ANKRD11: variants seen among roughly 807,000 people sequenced by gnomAD.
ANKRD11 encodes ankyrin repeat domain 11.
ANKRD11 carries 17 observed loss-of-function variants against 195.7 expected under a neutral mutation model. The observed-to-expected ratio is 0.09, with a 90% CI of 0.06 to 0.13. The LOEUF (loss-of-function observed/expected upper bound fraction) is 0.13, where lower values mean the gene tolerates loss of function less well. ANKRD11 is among the 10% of genes least tolerant of loss of function. The pLI, the probability that ANKRD11 is intolerant of heterozygous loss-of-function variation, is 1.00. For missense variants in ANKRD11, 3,735 were observed against 3,566.1 expected, an observed-to-expected ratio of 1.05 and a Z score of -1.21; for synonymous variants, 1,953 against 1,528.1, an observed-to-expected ratio of 1.28 and a Z score of -6.49.
intron 2 of ANKRD11, among the ~76,000 whole-genome samples, chr16:89,335,856 A>T (rs1018695108): frequency 1.3e-5 from 2 of 152,142 alleles, no homozygotes; most frequent in African/African-American, 4.8e-5. Context: ...TGGTGCTTCT[A>T]AAGGGCTAGG....
intron 4 of ANKRD11, 150 bp downstream of exon 4, chr16:89,305,056 C>A: frequency 8.0e-7 from 1 of 1,251,294 alleles, no homozygotes; most frequent in Non-Finnish European, 1.1e-6. Context: ...GCCTGTGCTC[C>A]GCCCCTGCTG....
chr16:89,283,116 G>C lies in ANKRD11; in HGVS notation c.3426C>G (p.Asp1142Glu). Reference sequence around the variant, plus strand: ...CCTGGAGGCCGTCCGTCCTCGGCAAGTCGCTGGCCTCTCCCATCTTGAACC... The same window carrying C: ...CCTGGAGGCCGTCCGTCCTCGGCAACTCGCTGGCCTCTCCCATCTTGAACC... ...GSGFKMGEAS[D>E]LPRTDGLQEK... Residue 1142 changes from aspartate to glutamate, a missense_variant, in exon 9 of 13, where the codon GAC becomes GAG. Transcript: ENST00000301030. The surrounding 1 kb of genome is among the most constrained non-coding windows in gnomAD (Gnocchi z 4.3). 6.2e-7 allele frequency: 1 copy of C among 1,613,952 alleles called. No homozygotes were observed. The highest frequency in any genetic ancestry group is 1.3e-5 in the African/African-American group (1 of 74,998).
intron 3 of ANKRD11, among the ~76,000 whole-genome samples, chr16:89,306,207 G>A (rs1597558563): frequency 2.4e-5 from 2 of 82,998 alleles, no homozygotes; most frequent in Admixed American, 1.3e-4. Flanking sequence ...CCGCAGACAC[G>A]CGCCACCTAC....
At chr16:89,465,670 A>C (rs994440080) in intron 1 of ANKRD11, among the ~76,000 whole-genome samples, 6 of 152,192 alleles carry the variant, frequency 3.9e-5, no homozygotes, top group African/African-American at 1.4e-4. Context: ...GAGCTAAAGA[A>C]GACTCCTCTG....
At chr16:89,375,697 C>T (rs564115676) in intron 2 of ANKRD11, among the ~76,000 whole-genome samples, 5 of 151,456 alleles carry the variant, frequency 3.3e-5, no homozygotes, top group East Asian at 1.9e-4. Flanking sequence ...TCAAGTGATC[C>T]GCCCAGCCTC....
At chr16:89,474,515 T>G (rs1165881990) in intron 1 of ANKRD11, among the ~76,000 whole-genome samples, 1 of 151,968 alleles carries the variant, frequency 6.6e-6, no homozygotes, top group African/African-American at 2.4e-5. Context: ...ATCATCCCAT[T>G]TGAAAGAAAA....
At chr16:89,486,809 C>T (rs1342675683) in intron 1 of ANKRD11, among the ~76,000 whole-genome samples, 1 of 151,972 alleles carries the variant, frequency 6.6e-6, no homozygotes, top group Non-Finnish European at 1.5e-5. Context: ...AGTTTGAAAC[C>T]AGCCTGGCCA....
intron 1 of ANKRD11, among the ~76,000 whole-genome samples, chr16:89,478,727 C>T (rs1373731692): frequency 6.6e-6 from 1 of 152,206 alleles, no homozygotes; most frequent in South Asian, 2.1e-4. Flanking sequence ...AGTTTCTGCC[C>T]GTGACATTTC....
chr16:89,355,938 G>A (rs868083274), intron 2 of ANKRD11, among the ~76,000 whole-genome samples: 3 of 152,306 alleles, frequency 2.0e-5, no homozygotes, highest in African/African-American at 4.8e-5. Flanking sequence ...GGAACGCTAA[G>A]TGACTCGCCC....
At chr16:89,319,086 T>A (rs1485235307) in intron 2 of ANKRD11, among the ~76,000 whole-genome samples, 5 of 152,212 alleles carry the variant, frequency 3.3e-5, no homozygotes, top group Admixed American at 2.0e-4. Flanking sequence ...ATTAACATTT[T>A]AAAAAATCCA....
At chr16:89,302,380 G>C (rs1396112123) in intron 4 of ANKRD11, among the ~76,000 whole-genome samples, 1 of 152,172 alleles carries the variant, frequency 6.6e-6, no homozygotes, top group Non-Finnish European at 1.5e-5. Context: ...AGCCTCCCGA[G>C]TAGCTGGGAT....
At chr16:89,446,180 T>TC (rs1328912883) in intron 1 of ANKRD11, among the ~76,000 whole-genome samples, 1 of 151,968 alleles carries the variant, frequency 6.6e-6, no homozygotes, top group African/African-American at 2.4e-5. Flanking sequence ...CCTTGATCAG[T>TC]CCCTAATTGG....
chr16:89,432,981 TCTCTCTCTC>T lies in ANKRD11; in HGVS notation c.-144-14622_-144-14614del, dbSNP rs1438777340. Reference sequence around the variant, plus strand: ...CTCTCTCTCTCTCTCTCTCTCTCTCTCTCTCTCTCCTCTCTCTCACACACACACACACAC... The same window carrying T: ...CTCTCTCTCTCTCTCTCTCTCTCTCTCTCTCTCTCACACACACACACACAC... On this transcript the variant is annotated intron_variant, in intron 1 of 12. Coordinates refer to ENST00000301030, the MANE Select transcript of ANKRD11 (RefSeq NM_013275.6). 8.0e-3 allele frequency among the ~76,000 whole-genome samples: 1,145 copies of T among 143,102 alleles called. 9 individuals carry two copies. Among genetic ancestry groups the T allele is most frequent in the African/African-American group, 0.03 (1,086 of 36,242 alleles). 93.9% of individuals were successfully genotyped at this position (143,102 alleles called of 152,430 possible). A position where few individuals can be genotyped will look rare whatever the true frequency, so the allele number is the denominator to read the frequency against.
chr16:89,439,053 C>CAA (rs76146550), intron 1 of ANKRD11, among the ~76,000 whole-genome samples: 2 of 138,328 alleles, frequency 1.4e-5, no homozygotes, highest in African/African-American at 2.6e-5. Flanking sequence ...AAAACAAAAC[C>CAA]AAAAAAAAAA....
intron 1 of ANKRD11, among the ~76,000 whole-genome samples, chr16:89,433,133 T>C (rs1314199192): frequency 6.6e-6 from 1 of 152,118 alleles, no homozygotes; most frequent in Non-Finnish European, 1.5e-5. Flanking sequence ...TTAGAACAGA[T>C]GGATATTCAC....
At chr16:89,295,459 C>G (rs2035352696) in intron 4 of ANKRD11, among the ~76,000 whole-genome samples, 1 of 152,270 alleles carries the variant, frequency 6.6e-6, no homozygotes, top group Admixed American at 6.5e-5. Flanking sequence ...GCACACCTCA[C>G]TACCCAGCTG....
chr16:89,385,870 T>C (rs1353504949), intron 2 of ANKRD11, among the ~76,000 whole-genome samples: 2 of 152,184 alleles, frequency 1.3e-5, no homozygotes, highest in Non-Finnish European at 2.9e-5. Context: ...AAGAGCTCCA[T>C]TTGTGACCGT....
chr16:89,413,779 GGT>G (rs1264701080), intron 2 of ANKRD11, among the ~76,000 whole-genome samples: 6 of 152,164 alleles, frequency 3.9e-5, no homozygotes, highest in Non-Finnish European at 7.3e-5. Flanking sequence ...GCTCCCCAGG[GGT>G]GAGGGTGCCA....
At chr16:89,452,024 C>T (rs140273650) in intron 1 of ANKRD11, among the ~76,000 whole-genome samples, 3 of 151,896 alleles carry the variant, frequency 2.0e-5, no homozygotes, top group African/African-American at 7.3e-5. Flanking sequence ...TTTGGGAGGC[C>T]GAGGCAGGTG....
Sources: allele counts gnomAD v4.1 joint callset (sites outside exome capture counted in the v4.1 genomes callset), GRCh38; gene constraint gnomAD v4.1.1; non-coding constraint Gnocchi (gnomAD v3.1); transcripts MANE v1.5; gene names NCBI Gene and HGNC (gene_info 2026-07-23, HGNC 2026-07-21).